Variants in CAP1 observed in about 807,000 individuals in gnomAD.
CAP1 encodes cyclase associated actin cytoskeleton regulatory protein 1.
In CAP1, 11 loss-of-function variants were observed where a neutral mutation model predicts 58.2. The ratio of observed to expected loss-of-function variants is 0.19; its 90% CI spans 0.12 to 0.31. CAP1 has a LOEUF of 0.31. Ranked by LOEUF, CAP1 falls within the 10% of genes least tolerant of loss-of-function variation. The pLI is 1.00. For missense variants in CAP1, 423 were observed against 587.5 expected (o/e 0.72, Z 2.89); for synonymous variants, 183 against 213.8 (o/e 0.86, Z 1.26).
intron 7 of CAP1, among the ~76,000 whole-genome samples, chr1:40,066,618 TA>T (rs1022903548): frequency 2.6e-5 from 4 of 152,068 alleles, no homozygotes; most frequent in African/African-American, 9.7e-5. Flanking sequence ...TTAAGGAGCT[TA>T]AAAATAAGAA....
At chr1:40,052,934 C>CA (rs1355974281) in intron 1 of CAP1, among the ~76,000 whole-genome samples, 3 of 146,598 alleles carry the variant, frequency 2.0e-5, no homozygotes, top group Non-Finnish European at 4.5e-5. Flanking sequence ...AATAAAAATA[C>CA]AAAAAATTGG....
chr1:40,044,889 C>T lies in CAP1; in HGVS notation c.-11+4088C>T, dbSNP rs370350261. On this transcript the variant is annotated intron_variant, in intron 1 of 12. Transcript: ENST00000372805. ...TCGGCTCACTGCAAGCTCAGCCTCC[C>T]GGGTTCACGCCATTCACCTGCTTCA... 1.0e-4 allele frequency among the ~76,000 whole-genome samples: 15 copies of T among 149,630 alleles called. 1 individual carries two copies. Among genetic ancestry groups the T allele is most frequent in the East Asian group, 4.0e-4 (2 of 5,040 alleles).
Position 40,069,777 on chromosome 1 carries a change from C to A in CAP1, c.896C>A (p.Pro299Gln). The change falls in exon 9 of 13, where the codon CCA becomes CAA. Residue 299 changes from proline (P) to glutamine (Q), a missense_variant. Pro to Gln is a moderately conservative substitution (Grantham distance 76, BLOSUM62 -1). Transcript: ENST00000372805. ...GGTCCAGTACGCAGTGGCCCCAAAC[C>A]ATTCTCTGCACCTAAACCCCAAACC... Reference protein sequence around the residue: ...QSGPVRSGPKPFSAPKPQTSP... With the variant: ...QSGPVRSGPKQFSAPKPQTSP... 6.2e-7 allele frequency: 1 copy of A among 1,613,252 alleles called. No homozygotes were observed. The highest frequency in any genetic ancestry group is 8.5e-7 in the Non-Finnish European group (1 of 1,179,716).
intron 7 of CAP1, 92 bp from the exon 8 acceptor site, chr1:40,067,448 C>T (rs1489757820): frequency 2.0e-5 from 22 of 1,110,866 alleles, no homozygotes; most frequent in Non-Finnish European, 2.7e-5. Context: ...GTGGTGGGGA[C>T]CCCATGTGCA....
At chr1:40,040,409 G>A (rs1173451625), upstream of CAP1, 1 of 152,376 alleles carries the variant, frequency 6.6e-6, no homozygotes, top group African/African-American at 2.4e-5. Flanking sequence ...TCTTTCCAGA[G>A]AGGAGCTTAG....
At position 40,067,607 on chromosome 1, in the gene CAP1, C is replaced by G. The variant is rs1301147759; in HGVS notation, c.698C>G (p.Pro233Arg). Residue 233 changes from proline to arginine, a missense_variant, in exon 8 of 13, where the codon CCT (proline) becomes CGT (arginine). Transcript: ENST00000372805. ...GPSAGSCPPPPPPCPPPPPVS... is the reference protein window; with the variant it reads ...GPSAGSCPPPRPPCPPPPPVS... ...TCTGCCGGATCATGTCCTCCTCCCC[C>G]TCCACCATGCCCCCCTCCTCCCCCA... 1.9e-6 allele frequency: 3 copies of G among 1,591,342 alleles called. No homozygotes were observed. The highest frequency in any genetic ancestry group is 1.4e-5 in the African/African-American group (1 of 73,880).
intron 1 of CAP1, among the ~76,000 whole-genome samples, chr1:40,047,901 C>T (rs1021231135): frequency 6.6e-6 from 1 of 152,154 alleles, no homozygotes; most frequent in African/African-American, 2.4e-5. Flanking sequence ...GGGTTGGATT[C>T]CTTCCCTCCG....
chr1:40,064,957 T>C (rs1340134648), intron 6 of CAP1, among the ~76,000 whole-genome samples: 1 of 152,216 alleles, frequency 6.6e-6, no homozygotes, highest in African/African-American at 2.4e-5. Flanking sequence ...TTAGCCACTG[T>C]GCTGGTTTTA....
At chr1:40,071,095 T>C in intron 12 of CAP1, 116 bp downstream of exon 12, 1 of 944,280 alleles carries the variant, frequency 1.1e-6, no homozygotes, top group Non-Finnish European at 1.6e-6. Flanking sequence ...AACCCAATAA[T>C]GCACACCAAA....
intron 1 of CAP1, among the ~76,000 whole-genome samples, chr1:40,043,223 A>G (rs534257037): frequency 2.0e-5 from 3 of 152,154 alleles, no homozygotes; most frequent in African/African-American, 7.2e-5. Flanking sequence ...TTTGAGACGG[A>G]GTCTTGCTCT....
intron 4 of CAP1, 98 bp from the exon 5 acceptor site, chr1:40,064,129 A>T: frequency 8.6e-7 from 1 of 1,158,340 alleles, no homozygotes; most frequent in Non-Finnish European, 1.3e-6. Context: ...TTGGGTGCTC[A>T]CTAGAGTCCA....
intron 1 of CAP1, among the ~76,000 whole-genome samples, chr1:40,055,148 A>G (rs558823345): frequency 3.9e-5 from 6 of 152,324 alleles, no homozygotes; most frequent in African/African-American, 1.4e-4. Context: ...ATAAAGGCTC[A>G]GAAGTGAGAG....
intron 1 of CAP1, among the ~76,000 whole-genome samples, chr1:40,058,940 C>T (rs1646731068): frequency 6.6e-6 from 1 of 151,988 alleles, no homozygotes; most frequent in African/African-American, 2.4e-5. Flanking sequence ...TATCTCTAAG[C>T]GTGTAGTAAT....
chr1:40,064,134 A>G, intron 4 of CAP1, 93 bp from the exon 5 acceptor site: 1 of 1,217,146 alleles, frequency 8.2e-7, no homozygotes, highest in Non-Finnish European at 1.2e-6. Context: ...TGCTCACTAG[A>G]GTCCATAGAG....
chr1:40,071,269 A>C (rs532180885), intron 12 of CAP1, among the ~76,000 whole-genome samples, 181 bp from the exon 13 acceptor site: 5 of 152,268 alleles, frequency 3.3e-5, no homozygotes, highest in African/African-American at 1.2e-4. Context: ...CCATAGACTT[A>C]ATAGTCTGTC....
At chr1:40,044,381 T>A (rs181961271) in intron 1 of CAP1, among the ~76,000 whole-genome samples, 4 of 152,362 alleles carry the variant, frequency 2.6e-5, no homozygotes, top group Non-Finnish European at 5.9e-5. Context: ...ATGAGAGTTC[T>A]CGAGCGGTAT....
intron 1 of CAP1, among the ~76,000 whole-genome samples, chr1:40,046,440 G>T (rs566629757): frequency 1.3e-5 from 2 of 151,516 alleles, no homozygotes; most frequent in African/African-American, 4.8e-5. Context: ...GCCAGCTTGG[G>T]TGACAGAGCA....
chr1:40,046,658 A>G (rs1206561300), intron 1 of CAP1, among the ~76,000 whole-genome samples: 1 of 152,178 alleles, frequency 6.6e-6, no homozygotes, highest in African/African-American at 2.4e-5. Context: ...ACAAATTTAG[A>G]TGATACTGCA....
chr1:40,064,275 G>T lies in CAP1; in HGVS notation c.343G>T (p.Val115Leu), dbSNP rs201825796. 1.1e-4 allele frequency: 170 copies of T among 1,614,072 alleles called. No individual in the cohort carries two copies. Among genetic ancestry groups the T allele is most frequent in the Middle Eastern group, 9.9e-4 (6 of 6,084 alleles). Residue 115 changes from valine (V) to leucine (L), a missense_variant, in exon 5 of 13, where the codon GTG (valine) becomes TTG (leucine). Physicochemically the swap from Val to Leu is conservative, Grantham distance 32. Coordinates refer to ENST00000372805, the MANE Select transcript of CAP1 (RefSeq NM_006367.4). ...LAPISEQIKEVITFREKNRGS... is the reference protein window; with the variant it reads ...LAPISEQIKELITFREKNRGS... ...ACCCATCTCAGAGCAGATCAAAGAAGTGATAACCTTTCGGGAGAAGAACCG... is the reference window on the plus strand; with the variant it reads ...ACCCATCTCAGAGCAGATCAAAGAATTGATAACCTTTCGGGAGAAGAACCG...
Sources: allele counts gnomAD v4.1 joint callset (sites outside exome capture counted in the v4.1 genomes callset), GRCh38; gene constraint gnomAD v4.1.1; transcripts MANE v1.5; gene names NCBI Gene and HGNC (gene_info 2026-07-23, HGNC 2026-07-21).